The following CAPN5 variants were observed in gnomAD, a reference collection of about 807,000 sequenced individuals.
CAPN5 encodes the protein calpain-5.
A neutral mutation model predicts 73.0 loss-of-function variants in CAPN5; 54 were observed. The ratio of observed to expected loss-of-function variants is 0.74; its 90% CI spans 0.59 to 0.93. The LOEUF (loss-of-function observed/expected upper bound fraction) is 0.93. Among genes scored for constraint, CAPN5 ranks in the 40% least tolerant of loss-of-function variants. The pLI is 0.00. For missense variants in CAPN5, 785 were observed against 882.9 expected, an observed-to-expected ratio of 0.89 and a Z score of 1.41; for synonymous variants, 335 against 356.9, an observed-to-expected ratio of 0.94 and a Z score of 0.69.
chr11:77,099,866 C>T (rs1478450520), intron 3 of CAPN5, among the ~76,000 whole-genome samples: 1 of 151,776 alleles, frequency 6.6e-6, no homozygotes, highest in Non-Finnish European at 1.5e-5. Context: ...GTTGGAGTTT[C>T]GCTCTTGTCA....
rs201480777 is a variant in CAPN5, at chr11:77,122,598, C to T, written c.1626C>T (p.Ile542=). 25 of 1,526,420 alleles carry T rather than the reference C, an allele frequency of 1.6e-5. No individual in the cohort carries two copies. In the African/African-American group the frequency reaches 3.5e-4, roughly 21 times the overall value. The allele number at this position is 1,526,420 out of a possible 1,614,324, so 94.6% of individuals were successfully genotyped here. A position where few individuals can be genotyped will look rare whatever the true frequency, so the allele number is the denominator to read the frequency against. Residue 542 remains isoleucine (I), a synonymous_variant, in exon 12 of 13, where the codon ATC becomes ATT. Coordinates refer to ENST00000648180, the MANE Select transcript of CAPN5 (RefSeq NM_004055.5). The stretch of plus-strand genomic sequence containing the variant: ...TAGGGGCTAACTCTTATGTGATCAT[C>T]AAGTGTGAGGGAGACAAAGTCCGCT... ...SPTGANSYVI[I]KCEGDKVRSA... is the part of the protein sequence containing the mutation.
chr11:77,109,383 A>C (rs4945143), intron 3 of CAPN5, among the ~76,000 whole-genome samples: 91,168 of 149,366 alleles, frequency 0.61, 28,401 homozygotes, highest in African/African-American at 0.79. Context: ...TTTCCAGTTT[A>C]AAAAAAAAAT....
intron 3 of CAPN5, among the ~76,000 whole-genome samples, chr11:77,098,366 G>A (rs1442541462): frequency 7.4e-5 from 8 of 107,668 alleles, no homozygotes; most frequent in East Asian, 8.3e-4. Flanking sequence ...GCAGCTGGCC[G>A]GGCGGGGGGC....
Position 77,124,245 on chromosome 11 carries a change from G to A in CAPN5, c.*375G>A, listed in dbSNP as rs182237209. On this transcript the variant is annotated 3_prime_UTR_variant, in exon 13 of 13. Transcript: ENST00000648180. Reference sequence around the variant, plus strand: ...TCCCCAAGCTCCGTTCTTGCCCCTCGTGTCCTAGGCCCAACCCAGCCTCCC... The same window carrying A: ...TCCCCAAGCTCCGTTCTTGCCCCTCATGTCCTAGGCCCAACCCAGCCTCCC... The A allele has an allele frequency of 2.9e-5, 6 of 210,164 alleles. No homozygotes were observed. The East Asian group carries it at 5.0e-4, about 17-fold the overall frequency. The allele number at this position is 210,164 out of a possible 1,614,324, so 13.0% of individuals were successfully genotyped here.
At chr11:77,086,618 A>G (rs1384958421) in intron 2 of CAPN5, among the ~76,000 whole-genome samples, 4 of 152,168 alleles carry the variant, frequency 2.6e-5, no homozygotes, top group Middle Eastern at 3.2e-3. Context: ...TCCTTTGTCA[A>G]GTAGGTGGGG....
At chr11:77,112,241 G>A (rs73493657) in intron 3 of CAPN5, among the ~76,000 whole-genome samples, 6,976 of 152,168 alleles carry the variant, frequency 0.046, 184 homozygotes, top group African/African-American at 0.072. Flanking sequence ...GGGGTGGGCT[G>A]GATGGGTGGA....
intron 3 of CAPN5, among the ~76,000 whole-genome samples, chr11:77,095,144 G>A (rs1276767674): frequency 3.3e-5 from 5 of 152,342 alleles, no homozygotes; most frequent in East Asian, 1.9e-4. Flanking sequence ...GTGGGTATTC[G>A]AGGGGCACCT....
Position 77,093,726 on chromosome 11 carries a change from C to A in CAPN5, c.210C>A (p.Ser70=), listed in dbSNP as rs1950178540. Residue 70 remains serine (S), a synonymous_variant, in exon 3 of 13, where the codon TCC becomes TCA. Transcript: ENST00000648180. ...GCCTCTTTGTGGATGGCATCAGCTC[C>A]CACGACCTGCACCAGGGCCAGGTGG... ...DPRLFVDGIS[S]HDLHQGQVGN... is the part of the protein sequence containing the mutation. 4 of 1,610,910 alleles carry A rather than the reference C, an allele frequency of 2.5e-6. No homozygotes were observed. The highest frequency in any genetic ancestry group is 3.4e-6 in the Non-Finnish European group (4 of 1,179,632).
intron 2 of CAPN5, chr11:77,088,034 GTCC>G: frequency 1.3e-6 from 2 of 1,535,792 alleles, no homozygotes; most frequent in South Asian, 1.2e-5. Flanking sequence ...CAGGGTGTCC[GTCC>G]TCCTCGCTCA....
intron 1 of CAPN5, among the ~76,000 whole-genome samples, chr11:77,069,879 C>T (rs899476207): frequency 6.6e-6 from 1 of 152,192 alleles, no homozygotes; most frequent in East Asian, 1.9e-4. Flanking sequence ...TGCTGCCCAC[C>T]TCTGAGCCCT....
chr11:77,088,937 T>C (rs1413455057), intron 2 of CAPN5, among the ~76,000 whole-genome samples: 2 of 152,116 alleles, frequency 1.3e-5, no homozygotes, highest in Non-Finnish European at 2.9e-5. Flanking sequence ...GTCCTAGAGC[T>C]GTGTTGCCTG....
intron 7 of CAPN5, among the ~76,000 whole-genome samples, chr11:77,117,423 C>T (rs1555041950): frequency 1.3e-5 from 2 of 152,164 alleles, no homozygotes; most frequent in African/African-American, 4.8e-5. Context: ...CCCAGGCAGA[C>T]TGGGGGCAGA....
chr11:77,107,173 G>A (rs1950359910), intron 3 of CAPN5, among the ~76,000 whole-genome samples: 1 of 152,222 alleles, frequency 6.6e-6, no homozygotes, highest in South Asian at 2.1e-4. Flanking sequence ...TGCAGTCATG[G>A]CATCTGAAAC....
In CAPN5 at chr11:77,114,162, CA is replaced by C. The variant is rs1439762084; in HGVS notation, c.507-75del. ...CAGGTTGTTTGACCCCTCTGAGTTTCAAAAACCTCCCCTATGAGGTAAAGGA... is the reference window on the plus strand; with the variant it reads ...CAGGTTGTTTGACCCCTCTGAGTTTCAAAACCTCCCCTATGAGGTAAAGGA... On this transcript the variant is annotated intron_variant, in intron 4 of 12. Transcript: ENST00000648180. 9 of 1,410,876 alleles carry C rather than the reference CA, an allele frequency of 6.4e-6. No individual in the cohort carries two copies. In the Admixed American group the frequency reaches 1.2e-4, roughly 19 times the overall value. The allele number at this position is 1,410,876 out of a possible 1,614,324, so 87.4% of individuals were successfully genotyped here.
rs1213603483 is a variant in CAPN5, at chr11:77,124,603, G to A, written c.*733G>A. ...GCTTCCGATTCCATTCCCAGCCCCT[G>A]CGTTAAGGTCCCTGGAGAGGTGGCG... On this transcript the variant is annotated 3_prime_UTR_variant, in exon 13 of 13. Coordinates refer to ENST00000648180, the MANE Select transcript of CAPN5 (RefSeq NM_004055.5). 6.6e-6 allele frequency: 1 copy of A among 152,528 alleles called. No individual in the cohort carries two copies. Among genetic ancestry groups the A allele is most frequent in the African/African-American group, 2.4e-5 (1 of 41,460 alleles). 9.4% of individuals were successfully genotyped at this position (152,528 alleles called of 1,614,324 possible). A position where few individuals can be genotyped will look rare whatever the true frequency, so the allele number is the denominator to read the frequency against.
chr11:77,116,152 C>A, intron 6 of CAPN5, 74 bp from the exon 7 acceptor site: 1 of 1,421,474 alleles, frequency 7.0e-7, no homozygotes, highest in Non-Finnish European at 9.7e-7. Context: ...TGCCTCCTCG[C>A]CTTTGCCAGA....
intron 1 of CAPN5, among the ~76,000 whole-genome samples, chr11:77,084,356 G>T (rs782117931): frequency 1.3e-5 from 2 of 152,216 alleles, no homozygotes; most frequent in African/African-American, 4.8e-5. Flanking sequence ...GTGCGGGGAG[G>T]ACCGGAGAGA....
At chr11:77,088,506 GAGA>G (rs1362354631) in intron 2 of CAPN5, among the ~76,000 whole-genome samples, 1 of 152,228 alleles carries the variant, frequency 6.6e-6, no homozygotes, top group East Asian at 1.9e-4. Flanking sequence ...TGCCATGGAG[GAGA>G]AGGAGGTAGG....
intron 9 of CAPN5, 113 bp from the exon 10 acceptor site, chr11:77,120,600 T>G: frequency 1.4e-6 from 1 of 692,638 alleles, no homozygotes; most frequent in South Asian, 2.0e-5. Flanking sequence ...GTTCCGGACA[T>G]TTCATATAAA....
Sources: gnomAD v4.1 joint callset for allele counts (sites outside exome capture counted in the v4.1 genomes callset) on GRCh38, gnomAD v4.1.1 for gene constraint, MANE v1.5 for transcripts, NCBI Gene and HGNC (gene_info 2026-07-23, HGNC 2026-07-21) for gene names.